The following SLC9C1 variants were observed in gnomAD, a reference collection of about 807,000 sequenced individuals.
SLC9C1 encodes sodium/hydrogen exchanger 10.
SLC9C1 carries 97 observed loss-of-function variants against 140.9 expected under a neutral mutation model. That is an observed-to-expected ratio of 0.69 (90% CI 0.58 to 0.82). SLC9C1 has a LOEUF of 0.82. Among genes scored for constraint, SLC9C1 ranks in the 40% least tolerant of loss-of-function variants. SLC9C1 has a pLI of 0.00. For missense variants in SLC9C1, 1,340 were observed against 1,389.3 expected, an observed-to-expected ratio of 0.96 and a Z score of 0.56; for synonymous variants, 440 against 442.6, an observed-to-expected ratio of 0.99 and a Z score of 0.07.
At chr3:112,220,003 T>C (rs185282830) in intron 14 of SLC9C1, among the ~76,000 whole-genome samples, 4 of 152,336 alleles carry the variant, frequency 2.6e-5, no homozygotes, top group African/African-American at 9.6e-5. Context: ...TTGTTTTGAA[T>C]TGATCACATT....
At chr3:112,223,148 A>T (rs2078587441) in intron 13 of SLC9C1, among the ~76,000 whole-genome samples, 1 of 152,198 alleles carries the variant, frequency 6.6e-6, no homozygotes. Flanking sequence ...TAATAAGCAT[A>T]ATCATTAAAA....
At chr3:112,280,869 C>G (rs2080338352) in intron 2 of SLC9C1, 86 bp from the exon 3 acceptor site, 2 of 1,224,710 alleles carry the variant, frequency 1.6e-6, no homozygotes, top group African/African-American at 1.6e-5. Context: ...AAATTGTGAA[C>G]AATGTCTTAC....
intron 20 of SLC9C1, among the ~76,000 whole-genome samples, chr3:112,195,916 A>G (rs914298522): frequency 6.6e-6 from 1 of 152,156 alleles, no homozygotes; most frequent in African/African-American, 2.4e-5. Flanking sequence ...CATTTAGAAA[A>G]CAAAAAGTGG....
intron 13 of SLC9C1, among the ~76,000 whole-genome samples, chr3:112,230,709 C>T (rs9849955): frequency 1 from 151,791 of 152,258 alleles, 75,664 homozygotes; most frequent in Middle Eastern, 1. Context: ...AACAGCTTCA[C>T]AGGCAGTGAG....
In SLC9C1 at chr3:112,239,923, AG is replaced by A. The variant is rs1275550377; in HGVS notation, c.1362del (p.Ser455LeufsTer16). On this transcript the variant is annotated frameshift_variant, in exon 12 of 29. Coordinates refer to ENST00000305815, the MANE Select transcript of SLC9C1 (RefSeq NM_183061.3). LOFTEE classifies it high-confidence loss of function. ...AGATCTTTGTCAAATTTAAGGGCAG[AG>A]GCTGCAGACTTGGTTAGCTCTTGAA... ...QHFQELTKSA[A>X]SALKFDKDLA... 6.2e-7 allele frequency: 1 copy of A among 1,614,050 alleles called. No homozygotes were observed. Among genetic ancestry groups the A allele is most frequent in the East Asian group, 2.2e-5 (1 of 44,830 alleles).
intron 23 of SLC9C1, among the ~76,000 whole-genome samples, chr3:112,178,305 A>AT (rs1197671894): frequency 3.9e-4 from 57 of 147,370 alleles, no homozygotes; most frequent in Admixed American, 4.1e-4. Flanking sequence ...TGCCTGGCTA[A>AT]TTTTTTTTTT....
intron 15 of SLC9C1, among the ~76,000 whole-genome samples, chr3:112,211,927 C>T (rs190175540): frequency 2.0e-5 from 3 of 152,298 alleles, no homozygotes; most frequent in East Asian, 3.9e-4. Flanking sequence ...ATCTCTGACC[C>T]CCGAGTAGCC....
At chr3:112,146,016 T>G (rs1334610930) in intron 28 of SLC9C1, among the ~76,000 whole-genome samples, 2 of 152,184 alleles carry the variant, frequency 1.3e-5, no homozygotes, top group Non-Finnish European at 2.9e-5. Context: ...CTCTTTCTTA[T>G]GTAAATTGCC....
intron 20 of SLC9C1, among the ~76,000 whole-genome samples, chr3:112,187,730 A>G (rs1384353620): frequency 6.6e-6 from 1 of 152,068 alleles, no homozygotes; most frequent in Admixed American, 6.6e-5. Context: ...GGCTTCCTTC[A>G]TTTTCCTTCT....
intron 27 of SLC9C1, among the ~76,000 whole-genome samples, chr3:112,153,204 A>G (rs566791479): frequency 6.6e-6 from 1 of 152,152 alleles, no homozygotes; most frequent in Admixed American, 6.5e-5. Flanking sequence ...CATTTAACAA[A>G]CTTTCATTTT....
chr3:112,217,347 T>C (rs1199233239), intron 15 of SLC9C1, 95 bp downstream of exon 15: 58 of 1,423,510 alleles, frequency 4.1e-5, no homozygotes, highest in Non-Finnish European at 5.3e-5. Context: ...ACTTATAGTA[T>C]AATAACAAAA....
At chr3:112,266,406 G>A (rs1305212377) in intron 7 of SLC9C1, 66 bp from the exon 8 acceptor site, 56 of 1,235,814 alleles carry the variant, frequency 4.5e-5, no homozygotes, top group Non-Finnish European at 5.9e-5. Flanking sequence ...AATTTTACCC[G>A]AGTTAAAAGT....
intron 11 of SLC9C1, 87 bp downstream of exon 11, chr3:112,243,908 A>G: frequency 1.1e-6 from 1 of 951,956 alleles, no homozygotes; most frequent in South Asian, 2.0e-5. Flanking sequence ...CCTAGGCTGT[A>G]TATGGATTCT....
intron 13 of SLC9C1, among the ~76,000 whole-genome samples, chr3:112,225,625 T>C (rs1446980998): frequency 1.3e-5 from 2 of 151,944 alleles, no homozygotes; most frequent in East Asian, 3.8e-4. Flanking sequence ...ACAGACTGGC[T>C]GAATTGATTA....
chr3:112,239,617 T>TTTAAACATATATA, intron 12 of SLC9C1, among the ~76,000 whole-genome samples: 2 of 152,294 alleles, frequency 1.3e-5, no homozygotes, highest in South Asian at 4.1e-4. Context: ...AAACATATAT[T>TTTAAACATATATA]TTAAACATAT....
At chr3:112,276,827 T>G (rs902833107) in intron 5 of SLC9C1, among the ~76,000 whole-genome samples, 1 of 152,076 alleles carries the variant, frequency 6.6e-6, no homozygotes, top group African/African-American at 2.4e-5. Flanking sequence ...TGTTGGCATC[T>G]TCTTCTAAAG....
intron 10 of SLC9C1, among the ~76,000 whole-genome samples, chr3:112,245,647 A>G (rs920403306): frequency 2.0e-5 from 3 of 152,042 alleles, no homozygotes; most frequent in South Asian, 2.1e-4. Flanking sequence ...ATCAGATAGT[A>G]TAAGTCCTTA....
intron 12 of SLC9C1, among the ~76,000 whole-genome samples, chr3:112,237,160 G>A (rs1254201808): frequency 6.6e-6 from 1 of 152,152 alleles, no homozygotes; most frequent in Non-Finnish European, 1.5e-5. Context: ...TGTATTGGGT[G>A]CATATATATT....
intron 26 of SLC9C1, 59 bp from the exon 27 acceptor site, chr3:112,155,108 A>C: frequency 7.0e-7 from 1 of 1,432,596 alleles, no homozygotes; most frequent in Non-Finnish European, 9.6e-7. Flanking sequence ...GACTATTTCT[A>C]TTAGTCCAAC....
Sources: gnomAD v4.1 joint callset for allele counts (sites outside exome capture counted in the v4.1 genomes callset) on GRCh38, gnomAD v4.1.1 for gene constraint, MANE v1.5 for transcripts, NCBI Gene and HGNC (gene_info 2026-07-23, HGNC 2026-07-21) for gene names.